The following TTC34 variants were observed in gnomAD, a reference collection of about 807,000 sequenced individuals.
TTC34 encodes the protein tetratricopeptide repeat protein 34.
In TTC34, 44 loss-of-function variants were observed where a neutral mutation model predicts 40.7. The observed-to-expected ratio is 1.08, with a 90% CI of 0.85 to 1.39. The LOEUF (loss-of-function observed/expected upper bound fraction) is 1.39, where lower values mean the gene tolerates loss of function less well. Ranked by LOEUF, TTC34 falls within the 40% of genes most tolerant of loss-of-function variation. The pLI, the probability that TTC34 is intolerant of heterozygous loss-of-function variation, is 0.00. For synonymous variants in TTC34, 422 were observed against 398.6 expected (o/e 1.06, Z -0.70); for missense variants, 884 against 838.0 (o/e 1.05, Z -0.68).
intron 6 of TTC34, among the ~76,000 whole-genome samples, chr1:2,772,707 C>A (rs1421787114): frequency 3.3e-5 from 1 of 30,706 alleles, no homozygotes; most frequent in Non-Finnish European, 6.8e-5. Context: ...AGGTGAGCAT[C>A]TGACAGCCTG....
At chr1:2,792,600 T>C (rs759448846) in intron 2 of TTC34, among the ~76,000 whole-genome samples, 5 of 152,224 alleles carry the variant, frequency 3.3e-5, no homozygotes, top group Non-Finnish European at 5.9e-5. Context: ...TGGACAGAGC[T>C]GAAGTCTCCA....
At chr1:2,779,323 T>A (rs769219328) in intron 6 of TTC34, among the ~76,000 whole-genome samples, 2 of 151,400 alleles carry the variant, frequency 1.3e-5, no homozygotes, top group East Asian at 3.9e-4. Context: ...GTAGTTCTAT[T>A]TTTTTTTTCT....
intron 6 of TTC34, among the ~76,000 whole-genome samples, chr1:2,686,248 T>A (rs1257348553): frequency 4.3e-4 from 62 of 145,674 alleles, no homozygotes; most frequent in Admixed American, 1.1e-3. Context: ...CACCCCCAGG[T>A]GAGCATCTGA....
chr1:2,759,295 C>CA (rs1641611858), intron 6 of TTC34, among the ~76,000 whole-genome samples: 1 of 104,080 alleles, frequency 9.6e-6, no homozygotes, highest in Non-Finnish European at 1.9e-5. Flanking sequence ...GAGCATCTGA[C>CA]GTCCTGGAAC....
At chr1:2,646,026 G>C (rs932318385) in intron 6 of TTC34, among the ~76,000 whole-genome samples, 1 of 152,210 alleles carries the variant, frequency 6.6e-6, no homozygotes, top group Non-Finnish European at 1.5e-5. Flanking sequence ...CTGTGGTCTT[G>C]GGGACGCCGG....
intron 6 of TTC34, among the ~76,000 whole-genome samples, chr1:2,677,928 T>C (rs1199398019): frequency 7.0e-4 from 6 of 8,554 alleles, no homozygotes; most frequent in African/African-American, 1.4e-3. Context: ...AGCAGCACCC[T>C]GCACCCCCAG....
Position 2,691,585 on chromosome 1 carries a change from C to T in TTC34, c.2227-46022G>A, listed in dbSNP as rs571300196. ...ACAGACTGGAACAGCACCCACATGCCCAGGTGAGACCCTGACAGCCTGGAA... is the reference window on the plus strand; with the variant it reads ...ACAGACTGGAACAGCACCCACATGCTCAGGTGAGACCCTGACAGCCTGGAA... On this transcript the variant is annotated intron_variant, in intron 6 of 8. Coordinates refer to ENST00000401095, the Ensembl canonical transcript of TTC34. Among the ~76,000 whole-genome samples, 329 of 131,182 alleles carry T rather than the reference C, an allele frequency of 2.5e-3. 1 individual carries two copies. Among genetic ancestry groups the T allele is most frequent in the African/African-American group, 8.6e-3 (316 of 36,708 alleles). 86.1% of individuals were successfully genotyped at this position (131,182 alleles called of 152,430 possible). A position where few individuals can be genotyped will look rare whatever the true frequency, so the allele number is the denominator to read the frequency against.
Position 2,645,486 on chromosome 1 carries a change from C to A in TTC34, c.2304G>T (p.Pro768=). Residue 768 remains proline, a synonymous_variant, in exon 7 of 9, where the codon CCG becomes CCT. Coordinates refer to ENST00000401095, the Ensembl canonical transcript of TTC34. The surrounding 1 kb of genome is among the most constrained non-coding windows in gnomAD (Gnocchi z 4.7). The stretch of plus-strand genomic sequence containing the variant: ...CCTGTGTGATGAGGGCCTGGGCTTC[C>A]GGCTTCAGAGAGCGGAGCTCAGGGA... 1 of 1,509,890 alleles carries A rather than the reference C, an allele frequency of 6.6e-7. No individual in the cohort carries two copies. The highest frequency in any genetic ancestry group is 8.8e-7 in the Non-Finnish European group (1 of 1,133,386). The allele number at this position is 1,509,890 out of a possible 1,614,324, so 93.5% of individuals were successfully genotyped here.
At chr1:2,787,415 G>A in intron 4 of TTC34, 66 bp downstream of exon 4, 2 of 1,378,408 alleles carry the variant, frequency 1.5e-6, no homozygotes, top group Non-Finnish European at 1.9e-6. Context: ...GCCACGGGAG[G>A]CCTGTGCCCT....
intron 6 of TTC34, among the ~76,000 whole-genome samples, chr1:2,648,139 AG>A (rs1255426991): frequency 1.3e-5 from 2 of 151,670 alleles, no homozygotes; most frequent in Non-Finnish European, 2.9e-5. Context: ...AAGCCATCTC[AG>A]GGTCTGTTTC....
Position 2,688,494 on chromosome 1 carries a change from C to T in TTC34, c.2227-42931G>A, listed in dbSNP as rs547011715. Among the ~76,000 whole-genome samples, 140 of 124,886 alleles carry T rather than the reference C, an allele frequency of 1.1e-3. 2 individuals are homozygous for T. The South Asian group carries it at 0.033, about 29-fold the overall frequency. 81.9% of individuals were successfully genotyped at this position (124,886 alleles called of 152,430 possible). On this transcript the variant is annotated intron_variant, in intron 6 of 8. Transcript: ENST00000401095. ...ATTGTGGAGCAGCACCCCACACCCA[C>T]AGGTGAGCATCTGACAGCCTGTAAC... is the stretch of plus-strand genomic sequence containing the variant.
intron 6 of TTC34, among the ~76,000 whole-genome samples, chr1:2,750,193 G>A (rs1359386925): frequency 0.033 from 3,196 of 97,994 alleles, 1 homozygote; most frequent in African/African-American, 0.084. Flanking sequence ...AGCCTGGGTC[G>A]GCACCCACAC....
At chr1:2,646,067 G>C (rs748563673) in intron 6 of TTC34, among the ~76,000 whole-genome samples, 1 of 152,124 alleles carries the variant, frequency 6.6e-6, no homozygotes. Flanking sequence ...CTGCTCTCCC[G>C]TAACTCCCAG....
At chr1:2,653,623 T>TGTGACAGC in intron 6 of TTC34, among the ~76,000 whole-genome samples, 1 of 129,734 alleles carries the variant, frequency 7.7e-6, no homozygotes, top group Admixed American at 8.3e-5. Context: ...CAAGTGAGCA[T>TGTGACAGC]CTGACAGCCT....
At chr1:2,757,306 C>A (rs1641537588) in intron 6 of TTC34, among the ~76,000 whole-genome samples, 2 of 138,518 alleles carry the variant, frequency 1.4e-5, no homozygotes, top group Non-Finnish European at 3.1e-5. Context: ...ACAGCACCCA[C>A]ACCCCCAGGC....
chr1:2,698,540 A>G (rs1640973650), intron 6 of TTC34, among the ~76,000 whole-genome samples: 1 of 131,414 alleles, frequency 7.6e-6, no homozygotes, highest in Non-Finnish European at 1.6e-5. Flanking sequence ...CCAGGTGAGC[A>G]TCGGGCAGCC....
chr1:2,751,722 CCACACCCCCA>C (rs1641327014), intron 6 of TTC34, among the ~76,000 whole-genome samples: 1 of 151,458 alleles, frequency 6.6e-6, no homozygotes, highest in African/African-American at 2.4e-5. Context: ...GGAGCAGCAC[CCACACCCCCA>C]GGTGAGCATC....
chr1:2,752,932 C>G (rs1489414937), intron 6 of TTC34, among the ~76,000 whole-genome samples: 2 of 123,078 alleles, frequency 1.6e-5, no homozygotes, highest in African/African-American at 3.1e-5. Context: ...ACAGCTCCCA[C>G]AACCCCAGGT....
chr1:2,687,652 G>C (rs1640426316), intron 6 of TTC34, among the ~76,000 whole-genome samples: 2 of 152,152 alleles, frequency 1.3e-5, no homozygotes, highest in South Asian at 2.1e-4. Flanking sequence ...CACACCCCCA[G>C]GTGAGCATCT....
Sources: allele counts gnomAD v4.1 joint callset (sites outside exome capture counted in the v4.1 genomes callset), GRCh38; gene constraint gnomAD v4.1.1; non-coding constraint Gnocchi (gnomAD v3.1); transcripts MANE v1.5; gene names NCBI Gene and HGNC (gene_info 2026-07-23, HGNC 2026-07-21).